ST8SIA6: variants seen among roughly 807,000 people sequenced by gnomAD.
The protein encoded by ST8SIA6 is alpha-2,8-sialyltransferase 8F.
In ST8SIA6, 39 loss-of-function variants were observed where a neutral mutation model predicts 33.6. That is an observed-to-expected ratio of 1.16 (90% CI 0.90 to 1.52). The LOEUF (loss-of-function observed/expected upper bound fraction) is 1.52. ST8SIA6 is among the 40% of genes most tolerant of loss of function. The pLI is 0.00. For synonymous variants in ST8SIA6, 172 were observed against 167.2 expected (o/e 1.03, Z -0.22); for missense variants, 441 against 443.8 (o/e 0.99, Z 0.06).
intron 4 of ST8SIA6, among the ~76,000 whole-genome samples, chr10:17,333,674 T>TAG (rs1430829549): frequency 0.34 from 8,114 of 23,936 alleles, 1,127 homozygotes; most frequent in African/African-American, 0.5. Context: ...GGTGCTGGGA[T>TAG]ATATATATAT....
chr10:17,374,239 GAAAC>G (rs1002423632), intron 3 of ST8SIA6, among the ~76,000 whole-genome samples: 4 of 150,940 alleles, frequency 2.7e-5, no homozygotes, highest in African/African-American at 9.8e-5. Context: ...GCTCATAATT[GAAAC>G]AAACAATATA....
At chr10:17,367,047 C>T (rs1004311218) in intron 3 of ST8SIA6, among the ~76,000 whole-genome samples, 2 of 152,168 alleles carry the variant, frequency 1.3e-5, no homozygotes, top group Admixed American at 1.3e-4. Flanking sequence ...TTTGGGGTAA[C>T]TGAATTGTAC....
At chr10:17,348,085 A>C (rs1848905983) in intron 4 of ST8SIA6, among the ~76,000 whole-genome samples, 1 of 93,960 alleles carries the variant, frequency 1.1e-5, no homozygotes, top group Admixed American at 1.1e-4. Flanking sequence ...TTTGCAGACA[A>C]AAAAAAAATC....
chr10:17,394,411 T>A (rs1850728257), intron 2 of ST8SIA6, among the ~76,000 whole-genome samples: 1 of 151,548 alleles, frequency 6.6e-6, no homozygotes, highest in Non-Finnish European at 1.5e-5. Flanking sequence ...TTTAATGGGA[T>A]GTATATAAAA....
rs565676744 is a variant in ST8SIA6, at chr10:17,319,009, C to A, written c.*1869G>T. Among the ~76,000 whole-genome samples the A allele has an allele frequency of 6.6e-6, 1 of 152,140 alleles. No individual in the cohort carries two copies. Among genetic ancestry groups the A allele is most frequent in the Non-Finnish European group, 1.5e-5 (1 of 68,016 alleles). On this transcript the variant is annotated 3_prime_UTR_variant, in exon 8 of 8. Coordinates refer to ENST00000377602, the MANE Select transcript of ST8SIA6 (RefSeq NM_001004470.3). ...ACTCCCTTTAGTTCTCTGCAACACA[C>A]TGACTATGCTAGAAAGAGAGTAGGA...
intron 7 of ST8SIA6, 22 bp from the exon 8 acceptor site, chr10:17,321,368 A>G (rs1211551484): frequency 7.1e-6 from 11 of 1,547,944 alleles, no homozygotes; most frequent in Non-Finnish European, 9.6e-6. Flanking sequence ...AAAAAAAATT[A>G]TAGTAATCCC....
At chr10:17,452,918 A>T (rs761237846) in intron 2 of ST8SIA6, among the ~76,000 whole-genome samples, 7 of 152,216 alleles carry the variant, frequency 4.6e-5, no homozygotes, top group Non-Finnish European at 1.0e-4. Context: ...GAAGAAATAT[A>T]GACCAAAACC....
intron 3 of ST8SIA6, among the ~76,000 whole-genome samples, chr10:17,381,536 A>G (rs567487313): frequency 6.6e-6 from 1 of 152,372 alleles, no homozygotes; most frequent in South Asian, 2.1e-4. Context: ...TTTAAAGGTT[A>G]TATAACTTAA....
intron 2 of ST8SIA6, among the ~76,000 whole-genome samples, chr10:17,420,010 A>C (rs1224599481): frequency 6.6e-6 from 1 of 152,236 alleles, no homozygotes; most frequent in Non-Finnish European, 1.5e-5. Flanking sequence ...TTAAATAGAC[A>C]CACGTTTTCC....
intron 3 of ST8SIA6, among the ~76,000 whole-genome samples, chr10:17,372,102 A>C (rs1219885523): frequency 6.6e-6 from 1 of 152,214 alleles, no homozygotes; most frequent in Admixed American, 6.5e-5. Flanking sequence ...ACTAGAACTT[A>C]AAAATGTCCA....
At chr10:17,427,051 C>T (rs1210598163) in intron 2 of ST8SIA6, among the ~76,000 whole-genome samples, 1 of 148,922 alleles carries the variant, frequency 6.7e-6, no homozygotes, top group Non-Finnish European at 1.5e-5. Flanking sequence ...TTGCAATGAG[C>T]TGAGATCGCA....
At chr10:17,367,143 C>T (rs1044451003) in intron 3 of ST8SIA6, among the ~76,000 whole-genome samples, 2 of 152,056 alleles carry the variant, frequency 1.3e-5, no homozygotes, top group East Asian at 1.9e-4. Context: ...CTTGAAGCTT[C>T]GTGTATTAGT....
chr10:17,390,676 T>C (rs1850562552), intron 2 of ST8SIA6, 56 bp from the exon 3 acceptor site: 2 of 1,397,488 alleles, frequency 1.4e-6, no homozygotes, highest in African/African-American at 1.4e-5. Context: ...GCTTATAAGA[T>C]ATTGTTAACA....
At chr10:17,365,903 T>G (rs1849542988) in intron 3 of ST8SIA6, among the ~76,000 whole-genome samples, 2 of 152,174 alleles carry the variant, frequency 1.3e-5, no homozygotes, top group African/African-American at 4.8e-5. Flanking sequence ...ACAGTAATAT[T>G]AAGTCAGTAG....
chr10:17,341,339 C>T (rs1251331499), intron 4 of ST8SIA6, among the ~76,000 whole-genome samples: 1 of 152,112 alleles, frequency 6.6e-6, no homozygotes, highest in African/African-American at 2.4e-5. Flanking sequence ...AGGTGAAGAA[C>T]TAATAACGTC....
At chr10:17,406,303 G>C (rs1052873854) in intron 2 of ST8SIA6, among the ~76,000 whole-genome samples, 8 of 152,124 alleles carry the variant, frequency 5.3e-5, no homozygotes, top group African/African-American at 1.9e-4. Flanking sequence ...CAGCAACAAA[G>C]CCAGGAGATT....
At position 17,454,295 on chromosome 10, in the gene ST8SIA6, C is replaced by A; in HGVS notation, c.-40G>T. On this transcript the variant is annotated 5_prime_UTR_variant, in exon 1 of 8. Coordinates refer to ENST00000377602, the MANE Select transcript of ST8SIA6 (RefSeq NM_001004470.3). The surrounding 1 kb of genome is among the most constrained non-coding windows in gnomAD (Gnocchi z 4.1). ...GCCGCCGCCACCGCTGCTGCCGGGG[C>A]GAAGCACAGCCCGGGCGGCCCCGAC... 1 of 189,504 alleles carries A rather than the reference C, an allele frequency of 5.3e-6. No individual in the cohort carries two copies. Among genetic ancestry groups the A allele is most frequent in the Non-Finnish European group, 1.1e-5 (1 of 94,474 alleles). 11.7% of individuals were successfully genotyped at this position (189,504 alleles called of 1,614,324 possible).
intron 4 of ST8SIA6, among the ~76,000 whole-genome samples, chr10:17,343,778 A>G (rs1187822939): frequency 3.3e-5 from 5 of 152,246 alleles, no homozygotes. Context: ...AACGTTCTAC[A>G]GAAAGTGCCC....
chr10:17,370,607 T>C (rs1047797918), intron 3 of ST8SIA6, among the ~76,000 whole-genome samples: 1 of 152,200 alleles, frequency 6.6e-6, no homozygotes, highest in African/African-American at 2.4e-5. Flanking sequence ...ATAGCTCTAT[T>C]CTTTTTTCTC....
Sources: allele counts gnomAD v4.1 joint callset (sites outside exome capture counted in the v4.1 genomes callset), GRCh38; gene constraint gnomAD v4.1.1; non-coding constraint Gnocchi (gnomAD v3.1); transcripts MANE v1.5; gene names NCBI Gene and HGNC (gene_info 2026-07-23, HGNC 2026-07-21).